DLX6: variants seen among roughly 807,000 people sequenced by gnomAD.
The protein encoded by DLX6 is homeobox protein DLX-6.
In DLX6, 4 loss-of-function variants were observed where a neutral mutation model predicts 33.5. The observed-to-expected ratio is 0.12, with a 90% CI of 0.06 to 0.27. DLX6 has a LOEUF of 0.27. Ranked by LOEUF, DLX6 falls within the 10% of genes least tolerant of loss-of-function variation. The pLI is 1.00. For synonymous variants in DLX6, 184 were observed against 164.8 expected (o/e 1.12, Z -0.89); for missense variants, 382 against 393.3 (o/e 0.97, Z 0.24).
Position 97,010,069 on chromosome 7 carries a change from G to C in DLX6, c.*22G>C. On this transcript the variant is annotated 3_prime_UTR_variant, in exon 3 of 3. Transcript: ENST00000518156. ...GTGAGTTGCCCAAGGGAACACCCTAGGGAAACGTCTGAACAAGGAAAAGAG... is the reference window on the plus strand; with the variant it reads ...GTGAGTTGCCCAAGGGAACACCCTACGGAAACGTCTGAACAAGGAAAAGAG... 2 of 1,569,876 alleles carry C rather than the reference G, an allele frequency of 1.3e-6. No individual in the cohort carries two copies. The highest frequency in any genetic ancestry group is 1.7e-6 in the Non-Finnish European group (2 of 1,156,904).
In DLX6 at chr7:97,010,119, G is replaced by A. The variant is rs557570706; in HGVS notation, c.*72G>A. The A allele has an allele frequency of 5.4e-4, 827 of 1,522,250 alleles. 2 individuals are homozygous for A. Among genetic ancestry groups the A allele is most frequent in the Middle Eastern group, 1.2e-3 (7 of 5,710 alleles). 94.3% of individuals were successfully genotyped at this position (1,522,250 alleles called of 1,614,324 possible). On this transcript the variant is annotated 3_prime_UTR_variant, in exon 3 of 3. Coordinates refer to ENST00000518156, the MANE Select transcript of DLX6 (RefSeq NM_005222.4). ...GGATCCGGGACCTGCTTGTATCTGCGAAAAGGAGCCAAAGGAGCAGGCTTA... is the reference window on the plus strand; with the variant it reads ...GGATCCGGGACCTGCTTGTATCTGCAAAAAGGAGCCAAAGGAGCAGGCTTA...
rs747812566 is a variant in DLX6, at chr7:97,009,828, G to A, written c.663G>A (p.Lys221=). 6 of 1,613,926 alleles carry A rather than the reference G, an allele frequency of 3.7e-6. No homozygotes were observed. Among genetic ancestry groups the A allele is most frequent in the South Asian group, 2.2e-5 (2 of 91,088 alleles). ...TATGGTTTCAGAACAAACGCTCTAAGTTTAAGAAACTGCTGAAGCAGGGCA... is the reference window on the plus strand; with the variant it reads ...TATGGTTTCAGAACAAACGCTCTAAATTTAAGAAACTGCTGAAGCAGGGCA... ...VKIWFQNKRS[K]FKKLLKQGSN... The change falls in exon 3 of 3, where the codon AAG becomes AAA. Residue 221 remains lysine, a synonymous_variant. Transcript: ENST00000518156.
chr7:97,009,282 A>G (rs868597734), intron 2 of DLX6, among the ~76,000 whole-genome samples: 1 of 152,232 alleles, frequency 6.6e-6, no homozygotes, highest in Non-Finnish European at 1.5e-5. Flanking sequence ...TCCTTCAGTC[A>G]TTTGCTCCTT....
In DLX6 at chr7:97,006,202, C is replaced by T. The variant is rs1405645161; in HGVS notation, c.225C>T (p.His75=). Residue 75 remains histidine (H), a synonymous_variant, in exon 1 of 3, where the codon CAC becomes CAT. Coordinates refer to ENST00000518156, the MANE Select transcript of DLX6 (RefSeq NM_005222.4). ...AGAHYPLHCL[H]SAAAAAAAGS... ...CGCACTACCCTCTGCACTGCCTGCA[C>T]TCGGCGGCGGCGGCGGCAGCGGCCG... 6.0e-6 allele frequency: 9 copies of T among 1,512,124 alleles called. No individual in the cohort carries two copies. Among genetic ancestry groups the T allele is most frequent in the Non-Finnish European group, 8.0e-6 (9 of 1,125,838 alleles). 93.7% of individuals were successfully genotyped at this position (1,512,124 alleles called of 1,614,324 possible). A position where few individuals can be genotyped will look rare whatever the true frequency, so the allele number is the denominator to read the frequency against.
At chr7:97,008,222 TG>T (rs1219832727) in intron 2 of DLX6, among the ~76,000 whole-genome samples, 1 of 152,220 alleles carries the variant, frequency 6.6e-6, no homozygotes. Flanking sequence ...TTGTAGGCCC[TG>T]GGAACTAATA....
At chr7:97,007,894 G>A in intron 2 of DLX6, 63 bp downstream of exon 2, 1 of 1,455,110 alleles carries the variant, frequency 6.9e-7, no homozygotes, top group Non-Finnish European at 9.1e-7. Context: ...CGGGCAGGGA[G>A]CACATCAGGA....
At position 97,009,967 on chromosome 7, in the gene DLX6, C is replaced by T; in HGVS notation, c.802C>T (p.Pro268Ser). The T allele has an allele frequency of 6.2e-7, 1 of 1,613,450 alleles. No individual in the cohort carries two copies. The highest frequency in any genetic ancestry group is 1.1e-5 in the South Asian group (1 of 91,010). The stretch of plus-strand genomic sequence containing the variant: ...CTCGGCCAAGGGTGTCAGTATGCCC[C>T]CCAACAGCTACATGCCTGGCTATTC... ...SASAKGVSMPPNSYMPGYSHW... is the reference protein window; with the variant it reads ...SASAKGVSMPSNSYMPGYSHW... Residue 268 changes from proline (P) to serine (S), a missense_variant, in exon 3 of 3, where the codon CCC becomes TCC. Pro to Ser is a moderately conservative substitution (Grantham distance 74). Around this residue, in one of 4 missense-constraint regions of DLX6, gnomAD observed 96 missense variants for 93.3 expected, o/e 1.03. Coordinates refer to ENST00000518156, the MANE Select transcript of DLX6 (RefSeq NM_005222.4).
Position 97,007,671 on chromosome 7 carries a change from A to C in DLX6, c.470A>C (p.Glu157Ala). 1 of 1,612,482 alleles carries C rather than the reference A, an allele frequency of 6.2e-7. No individual in the cohort carries two copies. Among genetic ancestry groups the C allele is most frequent in the Non-Finnish European group, 8.5e-7 (1 of 1,179,224 alleles). Residue 157 changes from glutamate (E) to alanine (A), a missense_variant, in exon 2 of 3, where the codon GAA (glutamate) becomes GCA (alanine). By Grantham distance (107) the Glu-to-Ala change is moderately radical (BLOSUM62 -1). Around this residue, in one of 4 missense-constraint regions of DLX6, gnomAD observed 25 missense variants for 51.9 expected, o/e 0.48. Coordinates refer to ENST00000518156, the MANE Select transcript of DLX6 (RefSeq NM_005222.4). ...QQKTTVIENG[E>A]IRFNGKGKKI... ...AAAACTACAGTGATTGAAAACGGGG[A>C]AATCAGGTTCAATGGAAAAGGGAAA...
chr7:97,009,124 G>A (rs149551311), intron 2 of DLX6, among the ~76,000 whole-genome samples: 1 of 152,316 alleles, frequency 6.6e-6, no homozygotes, highest in Non-Finnish European at 1.5e-5. Context: ...ACAAAATAGG[G>A]AATGAAGGAG....
intron 1 of DLX6, 158 bp downstream of exon 1, chr7:97,006,571 C>A (rs1007129006): frequency 1.6e-6 from 1 of 640,698 alleles, no homozygotes; most frequent in Non-Finnish European, 2.1e-6. Flanking sequence ...GCTCGCCTGG[C>A]GCCTGCCTGC....
intron 1 of DLX6, 55 bp from the exon 2 acceptor site, chr7:97,007,583 G>A: frequency 6.6e-7 from 1 of 1,507,950 alleles, no homozygotes; most frequent in Non-Finnish European, 9.1e-7. Flanking sequence ...CAGGAGCAGG[G>A]AGATGGCAGC....
chr7:97,007,428 A>G, intron 1 of DLX6: 1 of 619,436 alleles, frequency 1.6e-6, no homozygotes, highest in East Asian at 2.7e-5. Context: ...GACGCTGCAC[A>G]TTGTTCGGGC....
rs1465585254 is a variant in DLX6 at position 97,010,373 on chromosome 7, G to A, written c.*326G>A. The A allele has an allele frequency of 2.8e-5, 7 of 254,030 alleles. No homozygotes were observed. Among genetic ancestry groups the A allele is most frequent in the African/African-American group, 1.6e-4 (7 of 45,098 alleles). The allele number at this position is 254,030 out of a possible 1,614,324, so 15.7% of individuals were successfully genotyped here. ...TCTCAGAGAGAGAGAAAGAGCATGT[G>A]TGAGAGAGAAACTGGTTTCTATGCC... On this transcript the variant is annotated 3_prime_UTR_variant, in exon 3 of 3. Coordinates refer to ENST00000518156, the MANE Select transcript of DLX6 (RefSeq NM_005222.4).
chr7:97,006,878 C>T (rs1350605551), intron 1 of DLX6: 1 of 152,488 alleles, frequency 6.6e-6, no homozygotes, highest in Non-Finnish European at 1.5e-5. Context: ...TCCTCAGTGA[C>T]TCGGAGGGAA....
chr7:97,007,964 C>A lies in DLX6; in HGVS notation c.630+133C>A. 5.5e-6 allele frequency: 5 copies of A among 904,622 alleles called. No individual in the cohort carries two copies. The East Asian group carries it at 1.3e-4, about 24-fold the overall frequency. The allele number at this position is 904,622 out of a possible 1,614,324, so 56.0% of individuals were successfully genotyped here. A position where few individuals can be genotyped will look rare whatever the true frequency, so the allele number is the denominator to read the frequency against. On this transcript the variant is annotated intron_variant, in intron 2 of 2. Coordinates refer to ENST00000518156, the MANE Select transcript of DLX6 (RefSeq NM_005222.4). Reference sequence around the variant, plus strand: ...AGCTTAATGACAAATGCCTTTTGCTCCAGTTATGCACTTTCCTGGGACAAC... The same window carrying A: ...AGCTTAATGACAAATGCCTTTTGCTACAGTTATGCACTTTCCTGGGACAAC...
Position 97,005,966 on chromosome 7 carries a change from C to G in DLX6, c.-12C>G. ...CCCGGGAGAAGGCTTTCTCCAGCCC[C>G]CAAAGTTTTTGATGATGACCATGAC... is the stretch of plus-strand genomic sequence containing the variant. On this transcript the variant is annotated 5_prime_UTR_variant, in exon 1 of 3. Transcript: ENST00000518156. 3 of 1,569,918 alleles carry G rather than the reference C, an allele frequency of 1.9e-6. No individual in the cohort carries two copies. The highest frequency in any genetic ancestry group is 2.6e-6 in the Non-Finnish European group (3 of 1,156,658).
rs1562792798 is a variant in DLX6, at chr7:97,010,288, C to G, written c.*241C>G. On this transcript the variant is annotated 3_prime_UTR_variant, in exon 3 of 3. Transcript: ENST00000518156. Reference sequence around the variant, plus strand: ...CCTTTCTACCTTTCTTTTCTTTTTGCCTTTCACCTTTTTTCTCATTTACCT... The same window carrying G: ...CCTTTCTACCTTTCTTTTCTTTTTGGCTTTCACCTTTTTTCTCATTTACCT... 2.1e-6 allele frequency: 1 copy of G among 486,118 alleles called. No individual in the cohort carries two copies. Among genetic ancestry groups the G allele is most frequent in the East Asian group, 3.3e-5 (1 of 30,572 alleles). 30.1% of individuals were successfully genotyped at this position (486,118 alleles called of 1,614,324 possible). A position where few individuals can be genotyped will look rare whatever the true frequency, so the allele number is the denominator to read the frequency against.
intron 1 of DLX6, 51 bp downstream of exon 1, chr7:97,006,464 A>C (rs1789734260): frequency 4.0e-6 from 5 of 1,246,926 alleles, no homozygotes; most frequent in South Asian, 3.7e-5. Flanking sequence ...ACTGCCCCCT[A>C]CCCCGCCCGC....
chr7:97,007,688 A>C lies in DLX6; in HGVS notation c.487A>C (p.Lys163Gln). 6.2e-7 allele frequency: 1 copy of C among 1,612,890 alleles called. No individual in the cohort carries two copies. Among genetic ancestry groups the C allele is most frequent in the Non-Finnish European group, 8.5e-7 (1 of 1,179,434 alleles). ...AAACGGGGAAATCAGGTTCAATGGA[A>C]AAGGGAAAAAGATTCGGAAGCCTCG... ...IENGEIRFNG[K>Q]GKKIRKPRTI... Residue 163 changes from lysine to glutamine, a missense_variant, in exon 2 of 3, where the codon AAA (lysine) becomes CAA (glutamine). Coordinates refer to ENST00000518156, the MANE Select transcript of DLX6 (RefSeq NM_005222.4).
Sources: gnomAD v4.1 joint callset for allele counts (sites outside exome capture counted in the v4.1 genomes callset) on GRCh38, gnomAD v4.1.1 for gene constraint, gnomAD v4.1.1 regional missense constraint, MANE v1.5 for transcripts, NCBI Gene and HGNC (gene_info 2026-07-23, HGNC 2026-07-21) for gene names.